Variants in SEL1L3 observed in about 807,000 individuals in gnomAD.
SEL1L3 encodes protein sel-1 homolog 3.
A neutral mutation model predicts 142.8 loss-of-function variants in SEL1L3; 76 were observed. That is an observed-to-expected ratio of 0.53 (90% CI 0.44 to 0.64). SEL1L3 has a LOEUF of 0.64. Ranked by LOEUF, SEL1L3 falls within the 30% of genes least tolerant of loss-of-function variation. The probability of loss-of-function intolerance (pLI) is 0.00; values close to 1 mark genes in which losing one functional copy is unlikely to be tolerated. For missense variants in SEL1L3, 1,262 were observed against 1,381.7 expected (o/e 0.91, Z 1.37); for synonymous variants, 504 against 519.6 (o/e 0.97, Z 0.41).
At chr4:25,764,588 C>CA (rs1273727172) in intron 20 of SEL1L3, among the ~76,000 whole-genome samples, 9 of 152,146 alleles carry the variant, frequency 5.9e-5, no homozygotes, top group Admixed American at 5.2e-4. Flanking sequence ...ACAGTACAAG[C>CA]AAAACACTTC....
the SEL1L3 span, among the ~76,000 whole-genome samples, chr4:25,717,911 G>A: frequency 4.6e-5 from 7 of 152,166 alleles, no homozygotes; most frequent in Non-Finnish European, 7.4e-5. Flanking sequence ...TAAGTGATAA[G>A]TCCCTAAGAC....
the SEL1L3 span, among the ~76,000 whole-genome samples, chr4:25,727,733 G>A: frequency 2.6e-5 from 4 of 152,292 alleles, no homozygotes; most frequent in East Asian, 7.7e-4. Flanking sequence ...TCACAAACCA[G>A]CATTTCCCTG....
chr4:25,782,272 G>A lies in SEL1L3; in HGVS notation c.2427C>T (p.Gly809=), dbSNP rs748258934. ...TCCTTCCAGGAACTCCAGGGAAGAT[G>A]CCATCCAAATGCAGGACTCCAAGAT... ...SYNLGVLHLD[G]IFPGVPGRNQ... is the part of the protein sequence containing the mutation. The change falls in exon 15 of 24, where the codon GGC becomes GGT. Residue 809 remains glycine (G), a synonymous_variant. Coordinates refer to ENST00000399878, the MANE Select transcript of SEL1L3 (RefSeq NM_015187.5). The A allele has an allele frequency of 1.2e-6, 2 of 1,613,820 alleles. No individual in the cohort carries two copies. Among genetic ancestry groups the A allele is most frequent in the East Asian group, 4.5e-5 (2 of 44,884 alleles).
At chr4:25,746,972 C>A (rs1405685606), downstream of SEL1L3, among the ~76,000 whole-genome samples, 5 of 152,178 alleles carry the variant, frequency 3.3e-5, no homozygotes, top group African/African-American at 9.6e-5. Flanking sequence ...GTATGGGAAT[C>A]TGAGACTTAG....
At position 25,788,146 on chromosome 4, in the gene SEL1L3, T is replaced by TGCCA; in HGVS notation, c.2217+74_2217+77dup. 6.8e-7 allele frequency: 1 copy of TGCCA among 1,462,654 alleles called. No individual in the cohort carries two copies. The highest frequency in any genetic ancestry group is 9.4e-7 in the Non-Finnish European group (1 of 1,064,276). The allele number at this position is 1,462,654 out of a possible 1,614,324, so 90.6% of individuals were successfully genotyped here. Reference sequence around the variant, plus strand: ...TTTCTTCAGTTATCGACTCCCTGTTTGCCAGCCCGCCCACAGGAAACTGCT... The same window carrying TGCCA: ...TTTCTTCAGTTATCGACTCCCTGTTTGCCAGCCAGCCCGCCCACAGGAAACTGCT... On this transcript the variant is annotated intron_variant, in intron 13 of 23. Transcript: ENST00000399878. This position sits in a 1 kb window ranked among gnomAD's most constrained non-coding sequence, Gnocchi z 5.3.
At chr4:25,816,920 A>G (rs531591494) in intron 9 of SEL1L3, among the ~76,000 whole-genome samples, 1 of 152,262 alleles carries the variant, frequency 6.6e-6, no homozygotes, top group East Asian at 1.9e-4. Context: ...CTCTTCCAGG[A>G]AGCCTTCCCA....
chr4:25,788,569 C>CGTGTGTGTGTGT lies in SEL1L3; in HGVS notation c.2077-217_2077-206dup, dbSNP rs58435041. ...CCCTTAATGCAAGCCAGAAATGGTT[C>CGTGTGTGTGTGT]GTGTGTGTGTGTGTGTGTGTGTGTG... On this transcript the variant is annotated intron_variant, in intron 12 of 23. Coordinates refer to ENST00000399878, the MANE Select transcript of SEL1L3 (RefSeq NM_015187.5). This position sits in a 1 kb window ranked among gnomAD's most constrained non-coding sequence, Gnocchi z 5.3. Among the ~76,000 whole-genome samples, 10 of 139,954 alleles carry CGTGTGTGTGTGT rather than the reference C, an allele frequency of 7.1e-5. No individual in the cohort carries two copies. The highest frequency in any genetic ancestry group is 1.2e-4 in the Non-Finnish European group (8 of 64,318). The allele number at this position is 139,954 out of a possible 152,430, so 91.8% of individuals were successfully genotyped here. A position where few individuals can be genotyped will look rare whatever the true frequency, so the allele number is the denominator to read the frequency against.
intron 9 of SEL1L3, among the ~76,000 whole-genome samples, chr4:25,810,572 C>T (rs1362893466): frequency 6.6e-6 from 1 of 152,172 alleles, no homozygotes; most frequent in African/African-American, 2.4e-5. Context: ...TTAGAAAAAG[C>T]CCAAATGCTA....
chr4:25,770,531 G>A (rs1304584972), intron 17 of SEL1L3: 1 of 152,184 alleles, frequency 6.6e-6, no homozygotes, highest in Non-Finnish European at 1.5e-5. Context: ...CTTGAGGTCA[G>A]GAGTTCAAGA....
In SEL1L3 at chr4:25,819,233, G is replaced by T. The variant is rs563305043; in HGVS notation, c.1423+575C>A. Among the ~76,000 whole-genome samples the T allele has an allele frequency of 2.0e-5, 3 of 152,310 alleles. No homozygotes were observed. In the South Asian group the frequency reaches 6.2e-4, roughly 32 times the overall value. ...TGATAAACACCCTGTGTGAGTAAAA[G>T]GATGTCTGTGCAAATATGAGCATGC... On this transcript the variant is annotated intron_variant, in intron 8 of 23. Transcript: ENST00000399878.
chr4:25,799,648 T>C (rs1308336301), intron 11 of SEL1L3, among the ~76,000 whole-genome samples: 1 of 151,992 alleles, frequency 6.6e-6, no homozygotes, highest in Non-Finnish European at 1.5e-5. Flanking sequence ...TGGAAAGCTG[T>C]TGGGGGTTGT....
intron 17 of SEL1L3, among the ~76,000 whole-genome samples, chr4:25,774,719 G>A (rs13143168): frequency 0.68 from 104,011 of 152,080 alleles, 36,863 homozygotes; most frequent in African/African-American, 0.88. Flanking sequence ...TTATCTGGGC[G>A]TGGTGGTGGG....
chr4:25,819,316 G>A (rs983963676), intron 8 of SEL1L3, among the ~76,000 whole-genome samples: 2 of 149,612 alleles, frequency 1.3e-5, no homozygotes, highest in Admixed American at 1.4e-4. Context: ...ATGTCTTCGA[G>A]AATGAGTCAA....
the SEL1L3 span, among the ~76,000 whole-genome samples, chr4:25,740,100 A>G: frequency 6.6e-6 from 1 of 151,744 alleles, no homozygotes; most frequent in East Asian, 2.0e-4. Context: ...AAGTCTGGCT[A>G]TTTCTAACCT....
At position 25,788,816 on chromosome 4, in the gene SEL1L3, C is replaced by T. The variant is rs1190906003; in HGVS notation, c.2077-452G>A. Among the ~76,000 whole-genome samples, 1 of 152,078 alleles carries T rather than the reference C, an allele frequency of 6.6e-6. No individual in the cohort carries two copies. Among genetic ancestry groups the T allele is most frequent in the Non-Finnish European group, 1.5e-5 (1 of 68,010 alleles). On this transcript the variant is annotated intron_variant, in intron 12 of 23. Coordinates refer to ENST00000399878, the MANE Select transcript of SEL1L3 (RefSeq NM_015187.5). The surrounding 1 kb of genome is among the most constrained non-coding windows in gnomAD (Gnocchi z 5.3). ...TTATCATTTGTCTACATGGCTGGCT[C>T]CAACATCAGACTGGAGGCTGGAAGC...
At chr4:25,764,446 A>T (rs975662281) in intron 20 of SEL1L3, among the ~76,000 whole-genome samples, 2 of 152,180 alleles carry the variant, frequency 1.3e-5, no homozygotes, top group Admixed American at 6.5e-5. Flanking sequence ...ACATTAGGGG[A>T]AGCTGAATGA....
intron 13 of SEL1L3, among the ~76,000 whole-genome samples, chr4:25,785,290 C>CT (rs1711715624): frequency 6.6e-6 from 1 of 152,174 alleles, no homozygotes; most frequent in South Asian, 2.1e-4. Context: ...CAAGCACTGT[C>CT]TAAGTGCTTC....
At position 25,757,592 on chromosome 4, in the gene SEL1L3, T is replaced by C; in HGVS notation, c.3201A>G (p.Gly1067=). ...ILHSALIYFL[G]TFLLSILIAW... is the part of the protein sequence containing the mutation. ...CGATCAATATGGATAGCAGAAAGGT[T>C]CCCAGAAAGTAGATCTGCAAACATC... Residue 1067 remains glycine (G), a synonymous_variant, in exon 23 of 24, where the codon GGA becomes GGG. Coordinates refer to ENST00000399878, the MANE Select transcript of SEL1L3 (RefSeq NM_015187.5). The C allele has an allele frequency of 6.4e-7, 1 of 1,552,800 alleles. No homozygotes were observed. Among genetic ancestry groups the C allele is most frequent in the Non-Finnish European group, 8.7e-7 (1 of 1,147,824 alleles).
At position 25,802,350 on chromosome 4, in the gene SEL1L3, G is replaced by A. The variant is rs780416105; in HGVS notation, c.1889C>T (p.Ser630Leu). Residue 630 changes from serine (S) to leucine (L), a missense_variant, in exon 11 of 24, where the codon TCG becomes TTG. Physicochemically the swap from Ser to Leu is moderately radical, Grantham distance 145. Coordinates refer to ENST00000399878, the MANE Select transcript of SEL1L3 (RefSeq NM_015187.5). ...GGCAATGTTGCTGTAGTAGGCATAC[G>A]ACAGTTCCCAGTCCAGGGGGTAGTT... ...IDNYPLDWEL[S>L]YAYYSNIATK... 5 of 1,613,708 alleles carry A rather than the reference G, an allele frequency of 3.1e-6. No individual in the cohort carries two copies. Among genetic ancestry groups the A allele is most frequent in the South Asian group, 1.1e-5 (1 of 91,038 alleles).
Sources: allele counts gnomAD v4.1 joint callset (sites outside exome capture counted in the v4.1 genomes callset), GRCh38; gene constraint gnomAD v4.1.1; non-coding constraint Gnocchi (gnomAD v3.1); transcripts MANE v1.5; gene names NCBI Gene and HGNC (gene_info 2026-07-23, HGNC 2026-07-21).